CCDC175: variants seen among roughly 807,000 people sequenced by gnomAD.
CCDC175 encodes coiled-coil domain-containing protein 175.
Under a neutral mutation model 114.6 loss-of-function variants are expected in CCDC175, and 100 were observed. The observed-to-expected ratio is 0.87, with a 90% CI of 0.74 to 1.03. CCDC175 has a LOEUF of 1.03. Ranked by LOEUF, CCDC175 falls within the 50% of genes least tolerant of loss-of-function variation. The probability of loss-of-function intolerance (pLI) is 0.00; values close to 1 mark genes in which losing one functional copy is unlikely to be tolerated. For synonymous variants in CCDC175, 306 were observed against 308.7 expected (o/e 0.99, Z 0.09); for missense variants, 880 against 917.8 (o/e 0.96, Z 0.53).
At position 59,518,504 on chromosome 14, in the gene CCDC175, G is replaced by A. The variant is rs561780455; in HGVS notation, c.2098+3070C>T. 1.6e-4 allele frequency among the ~76,000 whole-genome samples: 24 copies of A among 152,240 alleles called. 1 individual carries two copies. Among genetic ancestry groups the A allele is most frequent in the Admixed American group, 1.2e-3 (18 of 15,282 alleles). On this transcript the variant is annotated intron_variant, in intron 17 of 19. Transcript: ENST00000537690. ...AAAACAAGCCCATCAACAAGTGGGC[G>A]AAGGATATGAACAGACATTTCTCAA... is the stretch of plus-strand genomic sequence containing the variant.
At chr14:59,562,878 TC>T (rs1896302383) in intron 6 of CCDC175, among the ~76,000 whole-genome samples, 1 of 152,280 alleles carries the variant, frequency 6.6e-6, no homozygotes, top group South Asian at 2.1e-4. Flanking sequence ...TAATAATTTT[TC>T]AAATGCACAT....
intron 8 of CCDC175, among the ~76,000 whole-genome samples, chr14:59,545,516 C>T (rs1181785559): frequency 6.6e-6 from 1 of 152,064 alleles, no homozygotes; most frequent in Admixed American, 6.6e-5. Context: ...ATAGTAAACC[C>T]TGCTGCAAAA....
At chr14:59,555,904 AC>A (rs1247858577) in intron 7 of CCDC175, among the ~76,000 whole-genome samples, 1 of 152,214 alleles carries the variant, frequency 6.6e-6, no homozygotes, top group Non-Finnish European at 1.5e-5. Flanking sequence ...AATCCAACTT[AC>A]AAGGGATGTG....
chr14:59,516,711 T>C (rs1021409826), intron 17 of CCDC175, among the ~76,000 whole-genome samples: 4 of 152,140 alleles, frequency 2.6e-5, no homozygotes, highest in African/African-American at 9.7e-5. Flanking sequence ...CAGGACCAGA[T>C]GGATTCCCAG....
intron 7 of CCDC175, among the ~76,000 whole-genome samples, chr14:59,559,104 C>T (rs1309719848): frequency 6.6e-6 from 1 of 152,086 alleles, no homozygotes; most frequent in African/African-American, 2.4e-5. Context: ...ATTCTGAAAC[C>T]ACGTTGGCGC....
rs556834271 is a variant in CCDC175 at position 59,521,593 on chromosome 14, C to G, written c.2079G>C (p.Arg693=). 1 of 1,533,356 alleles carries G rather than the reference C, an allele frequency of 6.5e-7. No homozygotes were observed. Among genetic ancestry groups the G allele is most frequent in the African/African-American group, 1.4e-5 (1 of 72,994 alleles). 95.0% of individuals were successfully genotyped at this position (1,533,356 alleles called of 1,614,324 possible). Reference sequence around the variant, plus strand: ...ACTTACCCTCCTGAGCTATTAGTTGCCGAGACAAGTCGCTTGAGGTGTGCA... The same window carrying G: ...ACTTACCCTCCTGAGCTATTAGTTGGCGAGACAAGTCGCTTGAGGTGTGCA... ...ALMHTSSDLS[R]QLIAQEAQYK... The change falls in exon 17 of 20, where the codon CGG becomes CGC. Residue 693 remains arginine (R), a synonymous_variant. Coordinates refer to ENST00000537690, the MANE Select transcript of CCDC175 (RefSeq NM_001164399.2).
intron 4 of CCDC175, among the ~76,000 whole-genome samples, chr14:59,567,814 T>C (rs1390404508): frequency 6.6e-6 from 1 of 152,202 alleles, no homozygotes; most frequent in African/African-American, 2.4e-5. Context: ...TGAACTGAAC[T>C]AGATACAATA....
chr14:59,547,645 A>C (rs567806891), intron 8 of CCDC175, among the ~76,000 whole-genome samples: 70 of 152,340 alleles, frequency 4.6e-4, no homozygotes, highest in African/African-American at 1.7e-3. Flanking sequence ...GGACAACCTT[A>C]TGGAAAAATA....
intron 10 of CCDC175, 103 bp from the exon 11 acceptor site, chr14:59,540,849 T>C (rs1253837441): frequency 3.5e-5 from 34 of 969,422 alleles, no homozygotes; most frequent in Non-Finnish European, 4.7e-5. Context: ...TATAGTCTAA[T>C]TGGGAGACAA....
chr14:59,572,296 C>A (rs1896886083), intron 3 of CCDC175, among the ~76,000 whole-genome samples: 1 of 152,042 alleles, frequency 6.6e-6, no homozygotes, highest in South Asian at 2.1e-4. Context: ...ATGAATGAAC[C>A]TTGAGGATAT....
Position 59,510,710 on chromosome 14 carries a change from C to G in CCDC175, c.2241G>C (p.Trp747Cys). 6.5e-7 allele frequency: 1 copy of G among 1,537,264 alleles called. No individual in the cohort carries two copies. Among genetic ancestry groups the G allele is most frequent in the Non-Finnish European group, 8.7e-7 (1 of 1,146,908 alleles). Residue 747 changes from tryptophan (W) to cysteine (C), a missense_variant, in exon 19 of 20, where the codon TGG (tryptophan) becomes TGC (cysteine). Physicochemically the swap from Trp to Cys is radical, Grantham distance 215 (BLOSUM62 -2). Coordinates refer to ENST00000537690, the MANE Select transcript of CCDC175 (RefSeq NM_001164399.2). ...RDEKMQHVST[W>C]LRGSLEGLRL... The stretch of plus-strand genomic sequence containing the variant: ...GCAGCCCTTCAAGACTCCCTCGTAG[C>G]CATGTACTGACATGCTGCATTTTTT...
chr14:59,526,179 C>A (rs1233500585), intron 15 of CCDC175, among the ~76,000 whole-genome samples: 1 of 152,092 alleles, frequency 6.6e-6, no homozygotes, highest in Non-Finnish European at 1.5e-5. Flanking sequence ...TTATAAGTTG[C>A]ATGATATTTA....
chr14:59,548,832 G>T (rs1218848038), intron 8 of CCDC175, among the ~76,000 whole-genome samples: 1 of 152,112 alleles, frequency 6.6e-6, no homozygotes, highest in Admixed American at 6.5e-5. Context: ...GCATTTAATT[G>T]GTACAAATCA....
intron 17 of CCDC175, among the ~76,000 whole-genome samples, chr14:59,520,550 A>C (rs1399206316): frequency 6.6e-6 from 1 of 152,230 alleles, no homozygotes; most frequent in Non-Finnish European, 1.5e-5. Context: ...TTGTAAACAA[A>C]TGTTCACAAT....
At chr14:59,546,790 T>TCATA (rs1467191169) in intron 8 of CCDC175, among the ~76,000 whole-genome samples, 1 of 152,078 alleles carries the variant, frequency 6.6e-6, no homozygotes, top group Non-Finnish European at 1.5e-5. Flanking sequence ...TGAGCCATGA[T>TCATA]CATACCACTG....
intron 13 of CCDC175, among the ~76,000 whole-genome samples, chr14:59,533,532 G>A (rs1319146696): frequency 8.5e-5 from 13 of 152,112 alleles, no homozygotes; most frequent in Non-Finnish European, 1.5e-4. Flanking sequence ...CTAATACACC[G>A]ATATGCTGGC....
intron 13 of CCDC175, 119 bp downstream of exon 13, chr14:59,537,904 C>T (rs5013570): frequency 0.5 from 313,279 of 625,570 alleles, 83,937 homozygotes; most frequent in East Asian, 0.8. Flanking sequence ...GAAATTGTAG[C>T]CTCTTTCATA....
intron 18 of CCDC175, 109 bp from the exon 19 acceptor site, chr14:59,510,917 G>A: frequency 1.1e-6 from 1 of 943,048 alleles, no homozygotes; most frequent in Non-Finnish European, 1.5e-6. Flanking sequence ...TGCATAATTG[G>A]TATCAGTCAT....
chr14:59,524,496 T>C (rs1249164954), intron 16 of CCDC175, among the ~76,000 whole-genome samples: 1 of 152,112 alleles, frequency 6.6e-6, no homozygotes, highest in Non-Finnish European at 1.5e-5. Context: ...AATAGGTGCT[T>C]CAACAGTGAT....
Sources: gnomAD v4.1 joint callset for allele counts (sites outside exome capture counted in the v4.1 genomes callset) on GRCh38, gnomAD v4.1.1 for gene constraint, MANE v1.5 for transcripts, NCBI Gene and HGNC (gene_info 2026-07-23, HGNC 2026-07-21) for gene names.